Variants in NUDT9 observed in about 807,000 individuals in gnomAD.
NUDT9 encodes ADP-ribose pyrophosphatase.
In NUDT9, 31 loss-of-function variants were observed where a neutral mutation model predicts 41.0. The observed-to-expected ratio is 0.76, with a 90% CI of 0.57 to 1.02. The LOEUF (loss-of-function observed/expected upper bound fraction) is 1.02, where lower values mean the gene tolerates loss of function less well. Ranked by LOEUF, NUDT9 falls within the 50% of genes least tolerant of loss-of-function variation. NUDT9 has a pLI of 0.00. For missense variants in NUDT9, 380 were observed against 431.4 expected, an observed-to-expected ratio of 0.88 and a Z score of 1.06; for synonymous variants, 146 against 147.6, an observed-to-expected ratio of 0.99 and a Z score of 0.08.
At position 87,449,263 on chromosome 4, in the gene NUDT9, AAAATT is replaced by A. The variant is rs778990797; in HGVS notation, c.642+17_642+21del. The stretch of plus-strand genomic sequence containing the variant: ...ATGGGCAATCCCAGGGGTAAGCATT[AAAATT>A]AAATTAGTGTTTAAGTTCCTTTTAG... On this transcript the variant is annotated intron_variant, in intron 5 of 7. Transcript: ENST00000302174. The A allele has an allele frequency of 2.1e-6, 3 of 1,405,646 alleles. No individual in the cohort carries two copies. Among genetic ancestry groups the A allele is most frequent in the Non-Finnish European group, 3.0e-6 (3 of 990,618 alleles). The allele number at this position is 1,405,646 out of a possible 1,614,324, so 87.1% of individuals were successfully genotyped here.
At chr4:87,440,482 A>G (rs777501933) in intron 3 of NUDT9, among the ~76,000 whole-genome samples, 2 of 152,168 alleles carry the variant, frequency 1.3e-5, no homozygotes, top group African/African-American at 4.8e-5. Flanking sequence ...TTGGTCATCT[A>G]TACAAACTAA....
intron 2 of NUDT9, among the ~76,000 whole-genome samples, chr4:87,437,516 A>G (rs1722001742): frequency 6.6e-6 from 1 of 150,666 alleles, no homozygotes; most frequent in Non-Finnish European, 1.5e-5. Context: ...AATTTTTTGT[A>G]TTTTTTTAGT....
chr4:87,429,323 T>TA (rs1279041753), intron 1 of NUDT9, among the ~76,000 whole-genome samples: 34 of 152,062 alleles, frequency 2.2e-4, no homozygotes, highest in Non-Finnish European at 3.5e-4. Flanking sequence ...GACTAACTTT[T>TA]AAAATTTTTT....
At chr4:87,449,276 TGTTTAA>T (rs1264170631) in intron 5 of NUDT9, 23 bp downstream of exon 5, 1 of 1,277,220 alleles carries the variant, frequency 7.8e-7, no homozygotes, top group African/African-American at 1.5e-5. Flanking sequence ...ATTAAATTAG[TGTTTAA>T]GTTCCTTTTA....
chr4:87,424,586 T>G lies in NUDT9; in HGVS notation c.107+1574T>G, dbSNP rs1309294871. ...CTTGGTGCATATTCTTATTTTACTT[T>G]GTCCTACTCTGGTTTGTAGGTCAAT... On this transcript the variant is annotated intron_variant, in intron 1 of 7. Coordinates refer to ENST00000302174, the MANE Select transcript of NUDT9 (RefSeq NM_024047.5). Among the ~76,000 whole-genome samples the G allele has an allele frequency of 8.5e-5, 13 of 152,200 alleles. 1 individual carries two copies.
chr4:87,428,101 AG>A (rs1721513889), intron 1 of NUDT9, among the ~76,000 whole-genome samples: 1 of 152,222 alleles, frequency 6.6e-6, no homozygotes, highest in Admixed American at 6.5e-5. Context: ...ACGTTACACT[AG>A]TTTTCAGCCC....
In NUDT9 at chr4:87,431,178, G is replaced by T. The variant is rs116565627; in HGVS notation, c.108-3803G>T. Among the ~76,000 whole-genome samples the T allele has an allele frequency of 3.5e-3, 533 of 152,278 alleles. 3 individuals are homozygous for T. Among genetic ancestry groups the T allele is most frequent in the African/African-American group, 0.012 (505 of 41,558 alleles). Reference sequence around the variant, plus strand: ...TGCATGTGAATATCCAATTTTCCTAGCACCATTTGTTGAAAAGACTGCCCT... The same window carrying T: ...TGCATGTGAATATCCAATTTTCCTATCACCATTTGTTGAAAAGACTGCCCT... On this transcript the variant is annotated intron_variant, in intron 1 of 7. Transcript: ENST00000302174.
chr4:87,433,660 T>C (rs560024232), intron 1 of NUDT9, among the ~76,000 whole-genome samples: 80 of 152,340 alleles, frequency 5.3e-4, no homozygotes, highest in African/African-American at 1.8e-3. Flanking sequence ...CCACTTGAGA[T>C]GTCCTAATTT....
chr4:87,457,470 C>T (rs1040349332), intron 7 of NUDT9, among the ~76,000 whole-genome samples: 4 of 152,050 alleles, frequency 2.6e-5, no homozygotes, highest in African/African-American at 4.8e-5. Context: ...CTCCTGACCT[C>T]AGGTGATCTA....
chr4:87,444,485 T>C (rs971618770), intron 4 of NUDT9, among the ~76,000 whole-genome samples: 6 of 151,986 alleles, frequency 3.9e-5, no homozygotes, highest in African/African-American at 1.4e-4. Context: ...TCAGCCTACC[T>C]CTCCATCCAC....
intron 3 of NUDT9, among the ~76,000 whole-genome samples, chr4:87,438,936 G>A (rs1023938669): frequency 2.0e-5 from 3 of 152,110 alleles, no homozygotes; most frequent in African/African-American, 7.2e-5. Context: ...GGAGGCTGAG[G>A]TGGGCGGATC....
At chr4:87,425,742 A>T (rs1486122661) in intron 1 of NUDT9, among the ~76,000 whole-genome samples, 4 of 148,932 alleles carry the variant, frequency 2.7e-5, no homozygotes, top group Non-Finnish European at 5.9e-5. Flanking sequence ...GAATTTTACC[A>T]GTCTTTGATA....
At position 87,422,874 on chromosome 4, in the gene NUDT9, C is replaced by A; in HGVS notation, c.-32C>A. 6.3e-7 allele frequency: 1 copy of A among 1,575,622 alleles called. No homozygotes were observed. The highest frequency in any genetic ancestry group is 1.4e-5 in the African/African-American group (1 of 73,886). ...AGGCGGAGGCACCAACTAAGAGCGA[C>A]CTAGCATCGCAAAGCCGCCCTCGGG... On this transcript the variant is annotated 5_prime_UTR_variant, in exon 1 of 8. Transcript: ENST00000302174.
chr4:87,451,178 A>T (rs1452584880), intron 5 of NUDT9, among the ~76,000 whole-genome samples: 1 of 152,190 alleles, frequency 6.6e-6, no homozygotes, highest in Non-Finnish European at 1.5e-5. Flanking sequence ...TCTTGGATAG[A>T]GATAATAGCA....
rs140025728 is a variant in NUDT9, at chr4:87,454,448, C to T, written c.867C>T (p.Asp289=). 1.1e-3 allele frequency: 1,773 copies of T among 1,598,558 alleles called. 2 individuals are homozygous for T. The highest frequency in any genetic ancestry group is 2.3e-3 in the Admixed American group (135 of 59,984). The stretch of plus-strand genomic sequence containing the variant: ...AGACAGAAGCTGTGAACTACCATGA[C>T]GAAACAGGTAACTTTATATTTATTA... ...WMETEAVNYH[D]ETGEIMDNLM... The change falls in exon 7 of 8, where the codon GAC becomes GAT. Residue 289 remains aspartate (D), a synonymous_variant. Coordinates refer to ENST00000302174, the MANE Select transcript of NUDT9 (RefSeq NM_024047.5).
chr4:87,454,026 ATT>A (rs903172655), intron 6 of NUDT9, among the ~76,000 whole-genome samples: 1 of 150,450 alleles, frequency 6.6e-6, no homozygotes, highest in Non-Finnish European at 1.5e-5. Context: ...TGCATGGCTA[ATT>A]TTTTTTGTAT....
chr4:87,451,817 T>G (rs1303890300), intron 6 of NUDT9, 82 bp downstream of exon 6: 1 of 1,175,992 alleles, frequency 8.5e-7, no homozygotes, highest in African/African-American at 1.5e-5. Context: ...AATCTGTATG[T>G]CCTTCTCTAA....
intron 3 of NUDT9, 105 bp downstream of exon 3, chr4:87,438,477 T>C: frequency 1.7e-6 from 1 of 602,676 alleles, no homozygotes; most frequent in South Asian, 2.0e-5. Flanking sequence ...TGTACAAATT[T>C]ATTTACATAT....
chr4:87,447,541 G>A (rs904475187), intron 4 of NUDT9, among the ~76,000 whole-genome samples: 1 of 151,320 alleles, frequency 6.6e-6, no homozygotes, highest in Non-Finnish European at 1.5e-5. Flanking sequence ...CTAAAATTGG[G>A]CTAGAGGTTG....
Sources: gnomAD v4.1 joint callset for allele counts (sites outside exome capture counted in the v4.1 genomes callset) on GRCh38, gnomAD v4.1.1 for gene constraint, MANE v1.5 for transcripts, NCBI Gene and HGNC (gene_info 2026-07-23, HGNC 2026-07-21) for gene names.